Variants in RAPGEF2 observed in about 807,000 individuals in gnomAD.
The protein encoded by RAPGEF2 is PDZ domain containing guanine nucleotide exchange factor (GEF) 1.
A neutral mutation model predicts 186.7 loss-of-function variants in RAPGEF2; 54 were observed. The ratio of observed to expected loss-of-function variants is 0.29; its 90% CI spans 0.23 to 0.36. The LOEUF is 0.36. Ranked by LOEUF, RAPGEF2 falls within the 10% of genes least tolerant of loss-of-function variation. The probability of loss-of-function intolerance (pLI) is 1.00; values close to 1 mark genes in which losing one functional copy is unlikely to be tolerated. For synonymous variants in RAPGEF2, 712 were observed against 705.9 expected (o/e 1.01, Z -0.14); for missense variants, 1,532 against 2,045.0 (o/e 0.75, Z 4.84).
At chr4:159,275,472 C>T (rs949592561) in intron 7 of RAPGEF2, among the ~76,000 whole-genome samples, 1 of 152,062 alleles carries the variant, frequency 6.6e-6, no homozygotes, top group Non-Finnish European at 1.5e-5. Flanking sequence ...ACCCTCCTTT[C>T]CCCTTTATCG....
intron 19 of RAPGEF2, 23 bp downstream of exon 19, chr4:159,339,377 G>C: frequency 6.3e-7 from 1 of 1,597,608 alleles, no homozygotes; most frequent in Admixed American, 1.7e-5. Flanking sequence ...TACCTTACTG[G>C]ATTTCTTTGT....
intron 1 of RAPGEF2, among the ~76,000 whole-genome samples, chr4:159,109,299 C>T (rs986836145): frequency 6.6e-6 from 1 of 152,070 alleles, no homozygotes; most frequent in African/African-American, 2.4e-5. Flanking sequence ...CAAGACCAGC[C>T]TGGGCATCAT....
At chr4:159,307,682 A>G (rs191343323) in intron 8 of RAPGEF2, among the ~76,000 whole-genome samples, 1 of 152,284 alleles carries the variant, frequency 6.6e-6, no homozygotes, top group East Asian at 1.9e-4. Context: ...TAATGAAGTA[A>G]CTTGTTTGAC....
intron 7 of RAPGEF2, among the ~76,000 whole-genome samples, chr4:159,295,231 C>T (rs966399174): frequency 2.6e-5 from 4 of 152,126 alleles, no homozygotes; most frequent in Admixed American, 2.6e-4. Flanking sequence ...AACTCAGTAC[C>T]AACAGTTGGT....
intron 4 of RAPGEF2, among the ~76,000 whole-genome samples, chr4:159,220,477 G>A (rs1411112234): frequency 2.6e-5 from 4 of 152,164 alleles, no homozygotes; most frequent in Admixed American, 6.5e-5. Context: ...TGGGAATTCC[G>A]TGATTTCCTG....
At chr4:159,332,066 CT>C in intron 16 of RAPGEF2, 32 bp downstream of exon 16, 2 of 1,414,466 alleles carry the variant, frequency 1.4e-6, no homozygotes, top group Non-Finnish European at 2.0e-6. Flanking sequence ...CATTTTTCTC[CT>C]TTTGGCCTTG....
intron 7 of RAPGEF2, among the ~76,000 whole-genome samples, chr4:159,273,121 G>T (rs931379244): frequency 6.6e-6 from 1 of 152,142 alleles, no homozygotes; most frequent in Non-Finnish European, 1.5e-5. Context: ...TTCATTATCT[G>T]ATCTTTATTT....
intron 1 of RAPGEF2, among the ~76,000 whole-genome samples, chr4:159,142,043 G>A (rs1742404537): frequency 1.3e-5 from 2 of 152,220 alleles, no homozygotes; most frequent in East Asian, 3.8e-4. Flanking sequence ...GTGACCAAAT[G>A]TCTTTTCTAC....
chr4:159,198,335 T>TC (rs1749018419), intron 3 of RAPGEF2, among the ~76,000 whole-genome samples: 6 of 43,572 alleles, frequency 1.4e-4, no homozygotes, highest in African/African-American at 1.1e-3. Flanking sequence ...TCTTTCTTTC[T>TC]TTTTCTTTCT....
chr4:159,205,050 T>A (rs904212864), intron 3 of RAPGEF2, among the ~76,000 whole-genome samples: 1 of 152,212 alleles, frequency 6.6e-6, no homozygotes, highest in East Asian at 1.9e-4. Flanking sequence ...TAGCACTGAT[T>A]AATACAATGT....
At chr4:159,193,088 A>T (rs1748282744) in intron 2 of RAPGEF2, 112 bp from the exon 3 acceptor site, 3 of 472,530 alleles carry the variant, frequency 6.3e-6, no homozygotes, top group Non-Finnish European at 1.0e-5. Flanking sequence ...TGATTGTGAC[A>T]AACCATATAA....
intron 7 of RAPGEF2, among the ~76,000 whole-genome samples, chr4:159,245,884 T>G (rs1754573432): frequency 6.6e-6 from 1 of 152,142 alleles, no homozygotes; most frequent in Non-Finnish European, 1.5e-5. Context: ...GTGTCCCAAC[T>G]GACATTTCAT....
chr4:159,122,207 G>A (rs760942013), intron 1 of RAPGEF2, among the ~76,000 whole-genome samples: 13 of 151,762 alleles, frequency 8.6e-5, no homozygotes, highest in African/African-American at 2.9e-4. Flanking sequence ...TTGGCTGGGC[G>A]TGGTGGCTCA....
At chr4:159,306,206 A>G (rs1348445036) in intron 8 of RAPGEF2, among the ~76,000 whole-genome samples, 2 of 151,884 alleles carry the variant, frequency 1.3e-5, no homozygotes, top group Non-Finnish European at 2.9e-5. Flanking sequence ...TTCAATCTGT[A>G]TATTGCTTTA....
At chr4:159,221,871 A>G (rs1295454426) in intron 4 of RAPGEF2, among the ~76,000 whole-genome samples, 6 of 152,234 alleles carry the variant, frequency 3.9e-5, no homozygotes, top group Non-Finnish European at 8.8e-5. Context: ...TGAAACAAAT[A>G]TCAACTTGGT....
At chr4:159,177,626 G>A (rs1458287492) in intron 1 of RAPGEF2, among the ~76,000 whole-genome samples, 3 of 152,092 alleles carry the variant, frequency 2.0e-5, no homozygotes, top group Non-Finnish European at 4.4e-5. Context: ...TTTTAGTGTA[G>A]AAGTATTTGA....
Position 159,332,599 on chromosome 4 carries a change from G to T in RAPGEF2, c.2037G>T (p.Val679=). 1 of 1,614,016 alleles carries T rather than the reference G, an allele frequency of 6.2e-7. No homozygotes were observed. The highest frequency in any genetic ancestry group is 1.3e-5 in the African/African-American group (1 of 75,030). The part of the protein sequence containing the change: ...DVEQVIGLEK[V]NKKSKANTVG... ...AACAGGTGATAGGACTTGAAAAAGT[G>T]AACAAAAAAAGTAAAGCCAACACTG... Residue 679 remains valine, a synonymous_variant, in exon 17 of 30, where the codon GTG becomes GTT. Transcript: ENST00000691494.
At chr4:159,308,661 C>CA (rs1354248342) in intron 8 of RAPGEF2, among the ~76,000 whole-genome samples, 2 of 152,164 alleles carry the variant, frequency 1.3e-5, no homozygotes, top group African/African-American at 4.8e-5. Flanking sequence ...AGATGCTGTA[C>CA]ACCAGGGAGA....
chr4:159,331,754 A>G lies in RAPGEF2; in HGVS notation c.1700A>G (p.Glu567Gly). ...CCTTTTATCTTACTTGGAGGCTCTG[A>G]GAAGGGATTTGGAATCTTTGTTGAC... Reference protein sequence around the residue: ...PLPFILLGGSEKGFGIFVDSV... With the variant: ...PLPFILLGGSGKGFGIFVDSV... The change falls in exon 15 of 30, where the codon GAG (glutamate) becomes GGG (glycine). Residue 567 changes from glutamate to glycine, a missense_variant. By Grantham distance (98) the Glu-to-Gly change is moderately conservative. Coordinates refer to ENST00000691494, the MANE Select transcript of RAPGEF2 (RefSeq NM_001394067.2). The G allele has an allele frequency of 6.2e-7, 1 of 1,614,130 alleles. No homozygotes were observed. Among genetic ancestry groups the G allele is most frequent in the Non-Finnish European group, 8.5e-7 (1 of 1,180,014 alleles).
Sources: allele counts gnomAD v4.1 joint callset (sites outside exome capture counted in the v4.1 genomes callset), GRCh38; gene constraint gnomAD v4.1.1; transcripts MANE v1.5; gene names NCBI Gene and HGNC (gene_info 2026-07-23, HGNC 2026-07-21).